Variants in EDDM3A observed in about 807,000 individuals in gnomAD.
The protein encoded by EDDM3A is epididymal protein 3A.
For synonymous variants in EDDM3A, 75 were observed against 60.4 expected (o/e 1.24, Z -1.12); for missense variants, 199 against 177.4 (o/e 1.12, Z -0.69).
Position 20,748,001 on chromosome 14 carries a change from A to G in EDDM3A, c.421A>G (p.Ile141Val), listed in dbSNP as rs1166146160. ...TGTTGATAACATAGAAGACCTGAGG[A>G]TTATAGAACCTATCAGCAACTAGAA... Reference protein sequence around the residue: ...GYVDNIEDLRIIEPISN With the variant: ...GYVDNIEDLRVIEPISN Residue 141 changes from isoleucine (I) to valine (V), a missense_variant, in exon 2 of 2, where the codon ATT becomes GTT. Coordinates refer to ENST00000326842, the MANE Select transcript of EDDM3A (RefSeq NM_006683.5). The G allele has an allele frequency of 1.2e-6, 2 of 1,603,440 alleles. No individual in the cohort carries two copies.
intron 1 of EDDM3A, among the ~76,000 whole-genome samples, chr14:20,746,241 A>T (rs1182306608): frequency 6.6e-6 from 1 of 152,118 alleles, no homozygotes; most frequent in African/African-American, 2.4e-5. Flanking sequence ...GTAGGCCTTT[A>T]TCACCAGGAC....
the EDDM3A span, among the ~76,000 whole-genome samples, chr14:20,740,013 A>G: frequency 6.6e-6 from 1 of 152,128 alleles, no homozygotes; most frequent in African/African-American, 2.4e-5. Context: ...AGAAGAATGC[A>G]CCTTTGGCAT....
intron 1 of EDDM3A, among the ~76,000 whole-genome samples, chr14:20,747,102 CTTT>C (rs71112518): frequency 1.7e-4 from 21 of 122,124 alleles, no homozygotes; most frequent in Admixed American, 6.2e-4. Context: ...AAACTGTATT[CTTT>C]TTTTTTTTTT....
At chr14:20,741,010 A>C (rs941837935), upstream of EDDM3A, among the ~76,000 whole-genome samples, 4 of 152,190 alleles carry the variant, frequency 2.6e-5, no homozygotes, top group East Asian at 5.8e-4. Flanking sequence ...CTTATTTATA[A>C]AATTTGAAAA....
upstream of EDDM3A, among the ~76,000 whole-genome samples, chr14:20,740,956 G>A (rs901419440): frequency 6.6e-6 from 1 of 152,070 alleles, no homozygotes; most frequent in African/African-American, 2.4e-5. Context: ...CTGACACAGG[G>A]CAACCCATGG....
At chr14:20,746,395 G>A (rs1877589048) in intron 1 of EDDM3A, among the ~76,000 whole-genome samples, 1 of 152,186 alleles carries the variant, frequency 6.6e-6, no homozygotes, top group South Asian at 2.1e-4. Flanking sequence ...GATACTCAGA[G>A]CTATGAATCA....
the EDDM3A span, among the ~76,000 whole-genome samples, chr14:20,740,664 TTTGTTTGC>T: frequency 5.4e-5 from 8 of 149,112 alleles, no homozygotes; most frequent in African/African-American, 7.8e-5. Context: ...TTTTGTTTTG[TTTGTTTGC>T]TTGTTTGCTT....
At chr14:20,736,467 T>G in the EDDM3A span, among the ~76,000 whole-genome samples, 2 of 152,208 alleles carry the variant, frequency 1.3e-5, no homozygotes, top group East Asian at 3.9e-4. Context: ...ATATTTTGAA[T>G]GAATTACTTT....
chr14:20,747,345 C>T (rs879368816), intron 1 of EDDM3A, among the ~76,000 whole-genome samples: 14 of 152,138 alleles, frequency 9.2e-5, no homozygotes, highest in Admixed American at 2.6e-4. Context: ...GATACACCCA[C>T]CTTGGCCTCC....
the EDDM3A span, among the ~76,000 whole-genome samples, chr14:20,740,044 C>T: frequency 7.9e-4 from 121 of 152,270 alleles, no homozygotes; most frequent in African/African-American, 2.9e-3. Context: ...CAAGACTGCA[C>T]TCCTCACTTC....
At chr14:20,744,452 G>A (rs1011878659), upstream of EDDM3A, among the ~76,000 whole-genome samples, 5 of 152,204 alleles carry the variant, frequency 3.3e-5, no homozygotes, top group African/African-American at 1.2e-4. Context: ...ATTTGCAAGA[G>A]TCTTACTTTA....
upstream of EDDM3A, among the ~76,000 whole-genome samples, chr14:20,743,843 G>T (rs1877507524): frequency 6.6e-6 from 1 of 152,148 alleles, no homozygotes; most frequent in Non-Finnish European, 1.5e-5. Flanking sequence ...CCCCAGTTTA[G>T]TTTAGATGGC....
upstream of EDDM3A, among the ~76,000 whole-genome samples, chr14:20,743,046 A>G (rs1216504522): frequency 1.3e-5 from 2 of 152,138 alleles, no homozygotes; most frequent in Non-Finnish European, 2.9e-5. Flanking sequence ...CTACATTTCA[A>G]TATGGGTGAG....
rs60270087 is a variant in EDDM3A, at chr14:20,748,264, A to C, written c.*240A>C. On this transcript the variant is annotated 3_prime_UTR_variant, in exon 2 of 2. Transcript: ENST00000326842. ...TACACCCACATTTTTTCCAAGATTC[A>C]GCTCATATGGCATCTGTCCTCGACT... is the stretch of plus-strand genomic sequence containing the variant. 2,939 of 436,442 alleles carry C rather than the reference A, an allele frequency of 6.7e-3. 128 individuals are homozygous for C. The East Asian group carries it at 0.098, about 15-fold the overall frequency. The allele number at this position is 436,442 out of a possible 1,614,324, so 27.0% of individuals were successfully genotyped here.
chr14:20,747,181 G>A lies in EDDM3A; in HGVS notation c.-26-374G>A, dbSNP rs544686851. Reference sequence around the variant, plus strand: ...TGCAGAGGTGTGATGTCGGCTCACCGCAACCTCCGCCTCCCAGGTTCAAGC... The same window carrying A: ...TGCAGAGGTGTGATGTCGGCTCACCACAACCTCCGCCTCCCAGGTTCAAGC... On this transcript the variant is annotated intron_variant, in intron 1 of 1. Coordinates refer to ENST00000326842, the MANE Select transcript of EDDM3A (RefSeq NM_006683.5). Among the ~76,000 whole-genome samples, 368 of 143,762 alleles carry A rather than the reference G, an allele frequency of 2.6e-3. 1 individual carries two copies. Among genetic ancestry groups the A allele is most frequent in the Middle Eastern group, 0.02 (5 of 254 alleles). 94.3% of individuals were successfully genotyped at this position (143,762 alleles called of 152,430 possible). A position where few individuals can be genotyped will look rare whatever the true frequency, so the allele number is the denominator to read the frequency against.
At chr14:20,737,494 A>G in the EDDM3A span, among the ~76,000 whole-genome samples, 2 of 152,182 alleles carry the variant, frequency 1.3e-5, no homozygotes, top group Admixed American at 6.5e-5. Context: ...CACCTCCTCT[A>G]TCAACCATAC....
upstream of EDDM3A, among the ~76,000 whole-genome samples, chr14:20,742,497 C>T (rs761388028): frequency 7.2e-5 from 11 of 152,226 alleles, no homozygotes; most frequent in East Asian, 1.9e-4. Flanking sequence ...CGTGTAACCA[C>T]GATAGGTGTG....
intron 1 of EDDM3A, among the ~76,000 whole-genome samples, chr14:20,746,194 G>A (rs1281752087): frequency 1.3e-5 from 2 of 152,186 alleles, no homozygotes; most frequent in African/African-American, 4.8e-5. Context: ...TAAGCACAGT[G>A]CATTAAAGCT....
At chr14:20,736,107 CTT>C in the EDDM3A span, among the ~76,000 whole-genome samples, 42 of 144,692 alleles carry the variant, frequency 2.9e-4, no homozygotes, top group South Asian at 2.2e-4. Context: ...CCCATCATCA[CTT>C]TTTTTTTTTT....
Sources: allele counts gnomAD v4.1 joint callset (sites outside exome capture counted in the v4.1 genomes callset), GRCh38; gene constraint gnomAD v4.1.1; transcripts MANE v1.5; gene names NCBI Gene and HGNC (gene_info 2026-07-23, HGNC 2026-07-21).